Variants in CAPZA2 observed in about 807,000 individuals in gnomAD.
CAPZA2 encodes capping actin protein of muscle Z-line subunit alpha 2, also known as F-actin-capping protein subunit alpha-2.
A neutral mutation model predicts 44.0 loss-of-function variants in CAPZA2; 13 were observed. The ratio of observed to expected loss-of-function variants is 0.30; its 90% CI spans 0.19 to 0.47. The LOEUF (loss-of-function observed/expected upper bound fraction) is 0.47. Ranked by LOEUF, CAPZA2 falls within the 20% of genes least tolerant of loss-of-function variation. The pLI, the probability that CAPZA2 is intolerant of heterozygous loss-of-function variation, is 1.00. For missense variants in CAPZA2, 244 were observed against 338.6 expected, an observed-to-expected ratio of 0.72 and a Z score of 2.19; for synonymous variants, 94 against 108.2, an observed-to-expected ratio of 0.87 and a Z score of 0.81.
rs1791705694 is a variant in CAPZA2, at chr7:116,918,173, C to A, written c.*306C>A. On this transcript the variant is annotated 3_prime_UTR_variant, in exon 10 of 10. Coordinates refer to ENST00000361183, the MANE Select transcript of CAPZA2 (RefSeq NM_006136.3). The stretch of plus-strand genomic sequence containing the variant: ...TTTGAAGTGTCTCAAAAATATTTTA[C>A]TAACTGTAACCCTAAAATTGATGTC... The A allele has an allele frequency of 4.3e-6, 1 of 230,822 alleles. No homozygotes were observed. Among genetic ancestry groups the A allele is most frequent in the Non-Finnish European group, 8.7e-6 (1 of 115,016 alleles). The allele number at this position is 230,822 out of a possible 1,614,324, so 14.3% of individuals were successfully genotyped here.
At chr7:116,914,892 A>G (rs1277462147) in intron 8 of CAPZA2, among the ~76,000 whole-genome samples, 3 of 152,242 alleles carry the variant, frequency 2.0e-5, no homozygotes, top group Non-Finnish European at 4.4e-5. Flanking sequence ...TGTTCTCCAT[A>G]TAGTTACATA....
chr7:116,864,380 G>A (rs541378790), intron 1 of CAPZA2, among the ~76,000 whole-genome samples: 2 of 152,284 alleles, frequency 1.3e-5, no homozygotes, highest in African/African-American at 4.8e-5. Context: ...AGGGCACTAA[G>A]CTTCATAAAG....
chr7:116,917,546 C>A (rs748801849), intron 9 of CAPZA2, among the ~76,000 whole-genome samples, 181 bp from the exon 10 acceptor site: 2 of 152,202 alleles, frequency 1.3e-5, no homozygotes, highest in Non-Finnish European at 2.9e-5. Flanking sequence ...CGTGAGCCAC[C>A]GCGCCCGGCT....
At chr7:116,896,215 AATT>A (rs1261548581) in intron 3 of CAPZA2, among the ~76,000 whole-genome samples, 1 of 151,850 alleles carries the variant, frequency 6.6e-6, no homozygotes, top group African/African-American at 2.4e-5. Flanking sequence ...AAAACATGAC[AATT>A]ATTCTTTAGA....
intron 6 of CAPZA2, among the ~76,000 whole-genome samples, chr7:116,908,858 T>TA (rs1791549897): frequency 6.6e-6 from 1 of 152,188 alleles, no homozygotes; most frequent in Non-Finnish European, 1.5e-5. Flanking sequence ...AGACATGTTA[T>TA]AAAATTATCT....
chr7:116,864,614 C>T (rs1002500091), intron 1 of CAPZA2, among the ~76,000 whole-genome samples: 1 of 152,068 alleles, frequency 6.6e-6, no homozygotes, highest in Non-Finnish European at 1.5e-5. Context: ...GTTCTTGTCA[C>T]TTGAGATATC....
At chr7:116,897,920 T>G (rs992936669) in intron 3 of CAPZA2, among the ~76,000 whole-genome samples, 4 of 152,094 alleles carry the variant, frequency 2.6e-5, no homozygotes, top group Non-Finnish European at 5.9e-5. Flanking sequence ...ATTAATCTTC[T>G]TTAGAAGTAC....
chr7:116,868,797 G>A (rs1289296235), intron 1 of CAPZA2, among the ~76,000 whole-genome samples: 1 of 152,048 alleles, frequency 6.6e-6, no homozygotes, highest in Non-Finnish European at 1.5e-5. Context: ...CTATTAATGT[G>A]GACAATATTC....
At chr7:116,865,605 TCTCA>T (rs1796473265) in intron 1 of CAPZA2, among the ~76,000 whole-genome samples, 2 of 151,838 alleles carry the variant, frequency 1.3e-5, no homozygotes, top group Admixed American at 6.6e-5. Flanking sequence ...TTAGACAGGG[TCTCA>T]CTCTGTCCAC....
At chr7:116,911,559 ACT>A (rs1252595864) in intron 7 of CAPZA2, among the ~76,000 whole-genome samples, 9 of 152,168 alleles carry the variant, frequency 5.9e-5, no homozygotes, top group Non-Finnish European at 1.2e-4. Context: ...CTGCTAACAT[ACT>A]TTATACATAC....
chr7:116,890,800 G>C (rs1240307774), intron 2 of CAPZA2, among the ~76,000 whole-genome samples: 10 of 79,424 alleles, frequency 1.3e-4, no homozygotes, highest in Non-Finnish European at 2.1e-4. Context: ...AAAAAAAAAA[G>C]AGTTAGAAAA....
intron 9 of CAPZA2, among the ~76,000 whole-genome samples, chr7:116,917,277 CAG>C (rs1491169230): frequency 2.0e-5 from 3 of 151,984 alleles, no homozygotes; most frequent in Non-Finnish European, 2.9e-5. Context: ...TTTTTGAAGA[CAG>C]AGTCTTGCTC....
Position 116,910,147 on chromosome 7 carries a change from C to CTGTA in CAPZA2, c.507-85_507-82dup. On this transcript the variant is annotated intron_variant, in intron 6 of 9. Coordinates refer to ENST00000361183, the MANE Select transcript of CAPZA2 (RefSeq NM_006136.3). ...TATTCATCCCCCACACTCTCTCATACTGTAGCATGAAATATAATCTGAAAC... is the reference window on the plus strand; with the variant it reads ...TATTCATCCCCCACACTCTCTCATACTGTATGTAGCATGAAATATAATCTGAAAC... 7.8e-6 allele frequency: 6 copies of CTGTA among 770,074 alleles called. No homozygotes were observed. In the South Asian group the frequency reaches 8.6e-5, roughly 11 times the overall value. 47.7% of individuals were successfully genotyped at this position (770,074 alleles called of 1,614,324 possible).
At chr7:116,900,473 A>G in intron 4 of CAPZA2, among the ~76,000 whole-genome samples, 1 of 151,984 alleles carries the variant, frequency 6.6e-6, no homozygotes, top group Non-Finnish European at 1.5e-5. Context: ...GTAAGGATAC[A>G]AAACTCATGA....
chr7:116,862,773 T>A, intron 1 of CAPZA2, 123 bp downstream of exon 1: 1 of 1,092,652 alleles, frequency 9.2e-7, no homozygotes, highest in Admixed American at 2.5e-5. Flanking sequence ...TCGGCTGCCC[T>A]TCCTCCCCCA....
At chr7:116,917,324 G>A (rs570473519) in intron 9 of CAPZA2, among the ~76,000 whole-genome samples, 13 of 152,102 alleles carry the variant, frequency 8.5e-5, no homozygotes, top group African/African-American at 2.7e-4. Context: ...GCGCGATCTC[G>A]CCTCACTGCA....
chr7:116,862,727 C>CG, intron 1 of CAPZA2, 77 bp downstream of exon 1: 1 of 1,456,012 alleles, frequency 6.9e-7, no homozygotes, highest in East Asian at 2.9e-5. Flanking sequence ...AGTCTGGTCG[C>CG]GGGGGAAGGG....
intron 1 of CAPZA2, chr7:116,876,399 G>A (rs896862163): frequency 1.3e-5 from 2 of 152,012 alleles, no homozygotes; most frequent in African/African-American, 4.8e-5. Flanking sequence ...TAGTTAAAAC[G>A]TTGTTGTATG....
Position 116,910,309 on chromosome 7 carries a change from CA to C in CAPZA2, c.584del (p.Gln195ArgfsTer12). ...TTQVVGILKI[Q>X]VHYYEDGNVQ... Reference sequence around the variant, plus strand: ...TCAAGTGGTTGGCATCTTGAAAATTCAGGTATGAAAAATAATTTGTTTACTG... The same window carrying C: ...TCAAGTGGTTGGCATCTTGAAAATTCGGTATGAAAAATAATTTGTTTACTG... On this transcript the variant is annotated frameshift_variant and splice_region_variant, in exon 7 of 10. Coordinates refer to ENST00000361183, the MANE Select transcript of CAPZA2 (RefSeq NM_006136.3). LOFTEE classifies it high-confidence loss of function. 1 of 1,511,592 alleles carries C rather than the reference CA, an allele frequency of 6.6e-7. No homozygotes were observed. Among genetic ancestry groups the C allele is most frequent in the Non-Finnish European group, 9.2e-7 (1 of 1,086,798 alleles). 93.6% of individuals were successfully genotyped at this position (1,511,592 alleles called of 1,614,324 possible).
Sources: allele counts gnomAD v4.1 joint callset (sites outside exome capture counted in the v4.1 genomes callset), GRCh38; gene constraint gnomAD v4.1.1; transcripts MANE v1.5; gene names NCBI Gene and HGNC (gene_info 2026-07-23, HGNC 2026-07-21).